Variants in GPM6A observed in about 807,000 individuals in gnomAD.
GPM6A encodes the protein neuronal membrane glycoprotein M6-a.
A neutral mutation model predicts 32.1 loss-of-function variants in GPM6A; 7 were observed. The observed-to-expected ratio is 0.22, with a 90% CI of 0.12 to 0.41. The LOEUF (loss-of-function observed/expected upper bound fraction) is 0.41. GPM6A is among the 10% of genes least tolerant of loss of function. The pLI is 1.00. For synonymous variants in GPM6A, 130 were observed against 123.4 expected (o/e 1.05, Z -0.35); for missense variants, 235 against 347.2 (o/e 0.68, Z 2.57).
At chr4:175,726,870 C>A (rs915953573) in intron 1 of GPM6A, among the ~76,000 whole-genome samples, 1 of 152,078 alleles carries the variant, frequency 6.6e-6, no homozygotes, top group African/African-American at 2.4e-5. Context: ...TTGATGTGCA[C>A]CTGTAATTCC....
chr4:175,727,739 C>T (rs531806335), intron 1 of GPM6A, among the ~76,000 whole-genome samples: 4 of 152,176 alleles, frequency 2.6e-5, no homozygotes, highest in African/African-American at 9.7e-5. Flanking sequence ...CATGGTGGCT[C>T]ACACCTGTAA....
chr4:175,953,063 G>T lies in GPM6A; in HGVS notation c.-23+49246C>A, dbSNP rs147443226. Reference sequence around the variant, plus strand: ...AAAAAAAAAGGAGAGAAAAAGAAAAGAAAAACAGAAATCCCCTTGCCTTAA... The same window carrying T: ...AAAAAAAAAGGAGAGAAAAAGAAAATAAAAACAGAAATCCCCTTGCCTTAA... On this transcript the variant is annotated intron_variant, in intron 1 of 7. Transcript: ENST00000280187. Among the ~76,000 whole-genome samples, 959 of 146,088 alleles carry T rather than the reference G, an allele frequency of 6.6e-3. 6 individuals are homozygous for T. Among genetic ancestry groups the T allele is most frequent in the African/African-American group, 0.023 (908 of 40,262 alleles).
upstream of GPM6A, among the ~76,000 whole-genome samples, chr4:175,815,353 T>A (rs1735064349): frequency 6.6e-6 from 1 of 152,162 alleles, no homozygotes; most frequent in Admixed American, 6.5e-5. Context: ...GATTATTTTT[T>A]AAAATTTGGA....
chr4:175,785,692 A>T (rs926215583), intron 1 of GPM6A, among the ~76,000 whole-genome samples: 37 of 152,334 alleles, frequency 2.4e-4, no homozygotes, highest in African/African-American at 8.9e-4. Context: ...AGATCATTAG[A>T]ATAATTCTAC....
intron 1 of GPM6A, among the ~76,000 whole-genome samples, chr4:175,810,804 C>T (rs1734888647): frequency 6.6e-6 from 1 of 152,088 alleles, no homozygotes; most frequent in Non-Finnish European, 1.5e-5. Flanking sequence ...CTTGTAAGAA[C>T]AGAAATTACC....
intron 1 of GPM6A, among the ~76,000 whole-genome samples, chr4:175,789,824 G>C (rs141985593): frequency 3.0e-3 from 463 of 152,280 alleles, no homozygotes; most frequent in African/African-American, 9.9e-3. Context: ...AGCAAAGGCT[G>C]TTCCTGTGTG....
At chr4:175,675,393 A>G (rs1439549654) in intron 2 of GPM6A, among the ~76,000 whole-genome samples, 1 of 152,090 alleles carries the variant, frequency 6.6e-6, no homozygotes, top group Non-Finnish European at 1.5e-5. Flanking sequence ...AAAACAGGTT[A>G]TATTTAACAC....
intron 1 of GPM6A, among the ~76,000 whole-genome samples, chr4:175,786,511 T>A (rs760015674): frequency 6.6e-6 from 1 of 151,922 alleles, no homozygotes; most frequent in African/African-American, 2.4e-5. Flanking sequence ...TGTCTTAATG[T>A]CACTTCAAAC....
At chr4:175,721,033 ATATATATTATATATATATATGTACTAG>A (rs1463877996) in intron 1 of GPM6A, among the ~76,000 whole-genome samples, 1 of 116,556 alleles carries the variant, frequency 8.6e-6, no homozygotes, top group East Asian at 2.4e-4. Flanking sequence ...ATACTAGTAC[ATATATATTATATATATATATGTACTAG>A]TATATATATA....
chr4:175,681,123 G>T (rs1459882856), intron 2 of GPM6A, among the ~76,000 whole-genome samples: 1 of 152,158 alleles, frequency 6.6e-6, no homozygotes, highest in Non-Finnish European at 1.5e-5. Flanking sequence ...AGGATGGGAG[G>T]ATTGTTGAGT....
At chr4:175,880,395 TTAAAG>T (rs1384782071) in intron 1 of GPM6A, among the ~76,000 whole-genome samples, 2 of 152,216 alleles carry the variant, frequency 1.3e-5, no homozygotes, top group Non-Finnish European at 2.9e-5. Flanking sequence ...CATATGAACT[TTAAAG>T]TAGTTTTTTC....
upstream of GPM6A, chr4:175,812,446 T>C (rs1279946004): frequency 1.2e-5 from 16 of 1,280,464 alleles, no homozygotes; most frequent in Non-Finnish European, 1.6e-5. Context: ...TGTAATTTCA[T>C]TCAAATTACT....
intron 2 of GPM6A, among the ~76,000 whole-genome samples, chr4:175,697,462 G>A (rs757981881): frequency 1.3e-5 from 2 of 152,152 alleles, no homozygotes; most frequent in Non-Finnish European, 2.9e-5. Context: ...TGTTTTGAGT[G>A]CTGAGTGGGC....
chr4:176,001,981 C>T (rs1156694510), intron 1 of GPM6A, among the ~76,000 whole-genome samples: 1 of 152,152 alleles, frequency 6.6e-6, no homozygotes, highest in East Asian at 1.9e-4. Flanking sequence ...CAAATACCGC[C>T]CCCAGCACGG....
chr4:175,687,274 AACGTTTTC>A (rs1325647124), intron 2 of GPM6A, among the ~76,000 whole-genome samples: 1 of 152,206 alleles, frequency 6.6e-6, no homozygotes, highest in East Asian at 1.9e-4. Flanking sequence ...AGATCATTCA[AACGTTTTC>A]ATCTTACAAG....
chr4:175,645,377 G>A (rs904101469), intron 4 of GPM6A, among the ~76,000 whole-genome samples: 1 of 152,066 alleles, frequency 6.6e-6, no homozygotes, highest in Non-Finnish European at 1.5e-5. Context: ...AAAACCTTTG[G>A]TGCTTACTGG....
chr4:175,988,818 C>G (rs919921975), intron 1 of GPM6A, among the ~76,000 whole-genome samples: 1 of 152,138 alleles, frequency 6.6e-6, no homozygotes, highest in Non-Finnish European at 1.5e-5. Flanking sequence ...AAAGATTATA[C>G]CCAATGTAGC....
Position 175,951,187 on chromosome 4 carries a change from C to T in GPM6A, c.-23+51122G>A, listed in dbSNP as rs114657587. Among the ~76,000 whole-genome samples the T allele has an allele frequency of 5.1e-3, 779 of 152,260 alleles. 2 individuals are homozygous for T. The highest frequency in any genetic ancestry group is 0.017 in the African/African-American group (723 of 41,566). ...ACTGAACTCCCCATGGAATGAAAAACGTCACCTTCTCAAGATGCTTATCTG... is the reference window on the plus strand; with the variant it reads ...ACTGAACTCCCCATGGAATGAAAAATGTCACCTTCTCAAGATGCTTATCTG... On this transcript the variant is annotated intron_variant, in intron 1 of 7. Coordinates refer to the GPM6A transcript ENST00000280187.
intron 1 of GPM6A, among the ~76,000 whole-genome samples, chr4:175,992,737 TATAA>T (rs1265237919): frequency 6.6e-6 from 1 of 152,206 alleles, no homozygotes; most frequent in African/African-American, 2.4e-5. Context: ...TACATGAAGG[TATAA>T]ATAGTCTCTA....
Sources: allele counts gnomAD v4.1 joint callset (sites outside exome capture counted in the v4.1 genomes callset), GRCh38; gene constraint gnomAD v4.1.1; transcripts MANE v1.5; gene names NCBI Gene and HGNC (gene_info 2026-07-23, HGNC 2026-07-21).